The following ADGRB3 variants were observed in gnomAD, a reference collection of about 807,000 sequenced individuals.
The protein encoded by ADGRB3 is brain-specific angiogenesis inhibitor 3.
In ADGRB3, 37 loss-of-function variants were observed where a neutral mutation model predicts 193.4. The ratio of observed to expected loss-of-function variants is 0.19; its 90% CI spans 0.15 to 0.25. The LOEUF is 0.25. Ranked by LOEUF, ADGRB3 falls within the 10% of genes least tolerant of loss-of-function variation. The pLI, the probability that ADGRB3 is intolerant of heterozygous loss-of-function variation, is 1.00. For missense variants in ADGRB3, 1,637 were observed against 1,852.9 expected, an observed-to-expected ratio of 0.88 and a Z score of 2.14; for synonymous variants, 690 against 644.2, an observed-to-expected ratio of 1.07 and a Z score of -1.08.
chr6:69,188,342 T>G (rs1411895510), intron 17 of ADGRB3, among the ~76,000 whole-genome samples: 1 of 152,144 alleles, frequency 6.6e-6, no homozygotes. Context: ...AGTTTCACTC[T>G]TTGTTGCCCA....
Position 69,361,174 on chromosome 6 carries a change from G to A in ADGRB3, c.3901G>A (p.Glu1301Lys), listed in dbSNP as rs867238592. The change falls in exon 29 of 32, where the codon GAA becomes AAA. Residue 1301 changes from glutamate (E) to lysine (K), a missense_variant. Transcript: ENST00000370598. ...GADMDIVHPQ[E>K]RMMESDYIVM... ...TGACATGGACATAGTCCATCCTCAA[G>A]AAAGAATGATGGAAAGTGACTATAT... 1.5e-5 allele frequency: 24 copies of A among 1,612,612 alleles called. No homozygotes were observed. The highest frequency in any genetic ancestry group is 2.0e-5 in the Non-Finnish European group (23 of 1,179,304).
rs113659043 is a variant in ADGRB3, at chr6:69,304,480, A to G, written c.2815-20392A>G. Among the ~76,000 whole-genome samples, 959 of 151,814 alleles carry G rather than the reference A, an allele frequency of 6.3e-3. 26 individuals carry two copies. The highest frequency in any genetic ancestry group is 0.022 in the African/African-American group (910 of 41,312). ...TATAGTAAAATTAGAATCCTAATTAAAATGTAACTACATAGCTTAGATGCT... is the reference window on the plus strand; with the variant it reads ...TATAGTAAAATTAGAATCCTAATTAGAATGTAACTACATAGCTTAGATGCT... On this transcript the variant is annotated intron_variant, in intron 20 of 31. Coordinates refer to ENST00000370598, the MANE Select transcript of ADGRB3 (RefSeq NM_001704.3).
intron 3 of ADGRB3, among the ~76,000 whole-genome samples, chr6:68,735,448 A>G (rs1457988267): frequency 6.6e-6 from 1 of 152,038 alleles, no homozygotes; most frequent in East Asian, 1.9e-4. Flanking sequence ...AATATAGGAA[A>G]TCATTTACAA....
intron 6 of ADGRB3, among the ~76,000 whole-genome samples, chr6:68,946,055 G>C (rs911367859): frequency 2.0e-5 from 3 of 152,022 alleles, no homozygotes; most frequent in Admixed American, 2.0e-4. Flanking sequence ...ATATCCTTGA[G>C]TACTTAAACG....
At chr6:68,860,972 A>C (rs1182678302) in intron 3 of ADGRB3, among the ~76,000 whole-genome samples, 1 of 152,182 alleles carries the variant, frequency 6.6e-6, no homozygotes, top group Non-Finnish European at 1.5e-5. Flanking sequence ...ATATGAAGCC[A>C]TATTGACACA....
At chr6:69,359,406 CACTT>C (rs1018055215) in intron 28 of ADGRB3, among the ~76,000 whole-genome samples, 2 of 151,028 alleles carry the variant, frequency 1.3e-5, no homozygotes, top group Non-Finnish European at 3.0e-5. Flanking sequence ...TTATGTATAA[CACTT>C]AATTACATAA....
At chr6:69,014,146 CAA>C (rs1439999053) in intron 12 of ADGRB3, 40 bp downstream of exon 12, 9 of 1,421,340 alleles carry the variant, frequency 6.3e-6, no homozygotes, top group Non-Finnish European at 8.7e-6. Context: ...GTTGGCAAAA[CAA>C]AGTGTAAAAA....
chr6:69,075,636 C>T (rs952198579), intron 16 of ADGRB3, among the ~76,000 whole-genome samples: 1 of 152,034 alleles, frequency 6.6e-6, no homozygotes, highest in African/African-American at 2.4e-5. Flanking sequence ...ATTGTGAATA[C>T]TGTAATCTTA....
At chr6:68,746,746 A>G (rs972014463) in intron 3 of ADGRB3, among the ~76,000 whole-genome samples, 1 of 151,250 alleles carries the variant, frequency 6.6e-6, no homozygotes, top group Non-Finnish European at 1.5e-5. Context: ...TTCTTTAGTA[A>G]TTTTTTGGAG....
chr6:69,388,741 C>G lies in ADGRB3; in HGVS notation c.4419C>G (p.Phe1473Leu), dbSNP rs137911832. ...PAPNKNPWDT[F>L]KNPSEYPHYT... is the part of the protein sequence containing the mutation. ...CAAACAAGAATCCATGGGACACTTT[C>G]AAAAACCCCAGTGAATACCCGCATT... Residue 1473 changes from phenylalanine to leucine, a missense_variant, in exon 32 of 32, where the codon TTC becomes TTG. Phe to Leu is a conservative substitution (Grantham distance 22). This residue lies in a region of ADGRB3 where 368 missense variants were observed against 367.4 expected (regional missense o/e 1.00). Coordinates refer to ENST00000370598, the MANE Select transcript of ADGRB3 (RefSeq NM_001704.3). 3.1e-6 allele frequency: 5 copies of G among 1,613,342 alleles called. No individual in the cohort carries two copies. In the Admixed American group the frequency reaches 5.0e-5, roughly 16 times the overall value.
In ADGRB3 at chr6:69,166,844, A is replaced by G. The variant is rs543533405; in HGVS notation, c.2481-66446A>G. ...GATTACAAGGCACTCTCTTTTGAGCAGTACAATGGACTCTCAGTCAATGTT... is the reference window on the plus strand; with the variant it reads ...GATTACAAGGCACTCTCTTTTGAGCGGTACAATGGACTCTCAGTCAATGTT... On this transcript the variant is annotated intron_variant, in intron 17 of 31. Coordinates refer to ENST00000370598, the MANE Select transcript of ADGRB3 (RefSeq NM_001704.3). 4.6e-5 allele frequency among the ~76,000 whole-genome samples: 7 copies of G among 152,288 alleles called. No individual in the cohort carries two copies. The South Asian group carries it at 1.4e-3, about 32-fold the overall frequency.
Position 69,246,681 on chromosome 6 carries a change from G to A in ADGRB3, c.2814+7455G>A, listed in dbSNP as rs78347776. 4.0e-4 allele frequency among the ~76,000 whole-genome samples: 61 copies of A among 152,290 alleles called. 1 individual carries two copies. The East Asian group carries it at 9.1e-3, about 23-fold the overall frequency. ...AAGATCAATATGAAGGATGGGCTCA[G>A]GGCAAGCAAAGAAGATGAAAGTGGA... is the stretch of plus-strand genomic sequence containing the variant. On this transcript the variant is annotated intron_variant, in intron 20 of 31. Coordinates refer to ENST00000370598, the MANE Select transcript of ADGRB3 (RefSeq NM_001704.3).
chr6:69,356,593 G>A (rs1422588489), intron 28 of ADGRB3, among the ~76,000 whole-genome samples: 1 of 152,100 alleles, frequency 6.6e-6, no homozygotes, highest in Non-Finnish European at 1.5e-5. Context: ...CTTTCACATG[G>A]AGACATAAGA....
chr6:69,160,617 T>G (rs1368773003), intron 17 of ADGRB3, among the ~76,000 whole-genome samples: 1 of 152,134 alleles, frequency 6.6e-6, no homozygotes, highest in African/African-American at 2.4e-5. Flanking sequence ...TATTTTTCAA[T>G]TATTTCTTTT....
intron 3 of ADGRB3, among the ~76,000 whole-genome samples, chr6:68,879,628 A>C (rs1765683403): frequency 2.6e-5 from 4 of 152,242 alleles, no homozygotes; most frequent in Admixed American, 6.5e-5. Flanking sequence ...GAAAAAAAGC[A>C]TGTGTGTGTG....
chr6:68,782,142 C>G (rs1766866379), intron 3 of ADGRB3, among the ~76,000 whole-genome samples: 1 of 119,854 alleles, frequency 8.3e-6, no homozygotes, highest in Non-Finnish European at 1.6e-5. Context: ...CCACAACAGT[C>G]CCTGGTGTGT....
chr6:69,049,245 A>G (rs1771324482), intron 14 of ADGRB3, 26 bp from the exon 15 acceptor site: 1 of 1,519,790 alleles, frequency 6.6e-7, no homozygotes, highest in South Asian at 1.2e-5. Flanking sequence ...GCTGTTTGCT[A>G]ATACTTCAAA....
At chr6:69,374,676 C>G (rs1328725) in intron 30 of ADGRB3, among the ~76,000 whole-genome samples, 126,790 of 152,026 alleles carry the variant, frequency 0.83, 53,005 homozygotes, top group East Asian at 0.96. Context: ...TTTCTGGAAA[C>G]TATACAGAAA....
chr6:69,256,740 G>C (rs1428900260), intron 20 of ADGRB3, among the ~76,000 whole-genome samples: 1 of 152,202 alleles, frequency 6.6e-6, no homozygotes, highest in African/African-American at 2.4e-5. Context: ...CCAACACTAT[G>C]CTGAATAGGA....
Sources: gnomAD v4.1 joint callset for allele counts (sites outside exome capture counted in the v4.1 genomes callset) on GRCh38, gnomAD v4.1.1 for gene constraint, gnomAD v4.1.1 regional missense constraint, MANE v1.5 for transcripts, NCBI Gene and HGNC (gene_info 2026-07-23, HGNC 2026-07-21) for gene names.